The following LIMK2 variants were observed in gnomAD, a reference collection of about 807,000 sequenced individuals.
LIMK2 encodes the protein LIM domain kinase 2.
A neutral mutation model predicts 75.7 loss-of-function variants in LIMK2; 35 were observed. The observed-to-expected ratio is 0.46, with a 90% confidence interval of 0.35 to 0.61. The LOEUF (loss-of-function observed/expected upper bound fraction) is 0.61. LIMK2 is among the 20% of genes least tolerant of loss of function. The pLI is 0.00. For missense variants in LIMK2, 623 were observed against 831.0 expected, an observed-to-expected ratio of 0.75 and a Z score of 3.08; for synonymous variants, 301 against 319.2, an observed-to-expected ratio of 0.94 and a Z score of 0.61.
chr22:31,244,481 C>T (rs543394639), intron 2 of LIMK2, among the ~76,000 whole-genome samples: 171 of 152,182 alleles, frequency 1.1e-3, no homozygotes, highest in Non-Finnish European at 1.1e-3. Flanking sequence ...TTCAGTATCC[C>T]GTATGTTATT....
At position 31,212,372 on chromosome 22, in the gene LIMK2, C is replaced by T. The variant is rs529278809; in HGVS notation, c.-37C>T. ...GGAACTGAGGGGAGCTGCTGTGTCC[C>T]CCGCCTCCTCCTCCCCATTTCCGCG... On this transcript the variant is annotated 5_prime_UTR_variant, in exon 1 of 16. Transcript: ENST00000331728. The T allele has an allele frequency of 2.2e-5, 29 of 1,334,394 alleles. No individual in the cohort carries two copies. The South Asian group carries it at 4.2e-4, about 20-fold the overall frequency. The allele number at this position is 1,334,394 out of a possible 1,614,324, so 82.7% of individuals were successfully genotyped here. A position where few individuals can be genotyped will look rare whatever the true frequency, so the allele number is the denominator to read the frequency against.
chr22:31,273,366 T>C, intron 13 of LIMK2, 86 bp from the exon 14 acceptor site: 1 of 1,218,798 alleles, frequency 8.2e-7, no homozygotes, highest in Non-Finnish European at 1.2e-6. Flanking sequence ...CCCTAGTTCT[T>C]AGCTGTGGCT....
chr22:31,260,326 G>GT (rs1378357154), intron 5 of LIMK2, among the ~76,000 whole-genome samples: 1 of 152,218 alleles, frequency 6.6e-6, no homozygotes, highest in African/African-American at 2.4e-5. Flanking sequence ...TTCAGGTCAT[G>GT]TTTGCTCTTT....
At chr22:31,259,590 A>C (rs755892364) in intron 4 of LIMK2, among the ~76,000 whole-genome samples, 3 of 152,150 alleles carry the variant, frequency 2.0e-5, no homozygotes, top group Non-Finnish European at 4.4e-5. Flanking sequence ...GAATAGTACA[A>C]GGGCAAGGTT....
At chr22:31,217,536 T>C (rs2048398619) in intron 1 of LIMK2, among the ~76,000 whole-genome samples, 1 of 152,250 alleles carries the variant, frequency 6.6e-6, no homozygotes, top group Non-Finnish European at 1.5e-5. Flanking sequence ...CCTGATCTCA[T>C]GGGATCTTTG....
chr22:31,258,336 G>A lies in LIMK2; in HGVS notation c.162G>A (p.Lys54=). The change falls in exon 3 of 16, where the codon AAG becomes AAA. Residue 54 remains lysine (K), a synonymous_variant. Coordinates refer to ENST00000331728, the MANE Select transcript of LIMK2 (RefSeq NM_005569.4). The part of the protein sequence containing the change: ...QDSLTNWYYE[K]DGKLYCPKDY... ...CCCTCACCAACTGGTACTATGAGAA[G>A]GATGGGAAGCTCTACTGCCCCAAGG... 2 of 1,613,602 alleles carry A rather than the reference G, an allele frequency of 1.2e-6. No homozygotes were observed. The highest frequency in any genetic ancestry group is 1.7e-6 in the Non-Finnish European group (2 of 1,179,634).
intron 1 of LIMK2, among the ~76,000 whole-genome samples, chr22:31,223,892 CTTGT>C (rs1187060515): frequency 1.3e-5 from 2 of 152,204 alleles, no homozygotes; most frequent in Non-Finnish European, 2.9e-5. Flanking sequence ...CTCTTGCCAG[CTTGT>C]TTAACTCTTC....
At chr22:31,271,105 C>A (rs1314562719) in intron 11 of LIMK2, 31 bp from the exon 12 acceptor site, 2 of 1,599,852 alleles carry the variant, frequency 1.3e-6, no homozygotes, top group Non-Finnish European at 1.7e-6. Context: ...ATTTGCTGGC[C>A]CTGTAGCCTC....
At chr22:31,272,833 T>A (rs1411730576) in intron 13 of LIMK2, 129 bp downstream of exon 13, 1 of 1,415,700 alleles carries the variant, frequency 7.1e-7, no homozygotes, top group Non-Finnish European at 9.2e-7. Context: ...GAGGATATTT[T>A]TCCCTTGCCA....
At chr22:31,277,168 T>G (rs2049037845) in intron 15 of LIMK2, 1 of 1,612,724 alleles carries the variant, frequency 6.2e-7, no homozygotes, top group African/African-American at 1.3e-5. Flanking sequence ...GAACGGTGGC[T>G]CCCATAGGAC....
At chr22:31,261,644 T>A (rs1268812847) in intron 5 of LIMK2, among the ~76,000 whole-genome samples, 1 of 152,032 alleles carries the variant, frequency 6.6e-6, no homozygotes, top group Non-Finnish European at 1.5e-5. Flanking sequence ...GGTGCGCGCC[T>A]GTAATCCCAG....
chr22:31,220,422 A>G (rs758252479), intron 1 of LIMK2, among the ~76,000 whole-genome samples: 1 of 152,200 alleles, frequency 6.6e-6, no homozygotes, highest in Non-Finnish European at 1.5e-5. Context: ...GGTTCACCAC[A>G]CAAAGGAATG....
rs935123850 is a variant in LIMK2, at chr22:31,276,511, AG to A, written c.1772+1208del. On this transcript the variant is annotated intron_variant, in intron 15 of 15. Transcript: ENST00000331728. ...ACAAAGGGCGGGCGGATCGGCGGGG[AG>A]GGGGCGGGGCGCGACCAGGCCAGGC... Among the ~76,000 whole-genome samples, 1,349 of 134,932 alleles carry A rather than the reference AG, an allele frequency of 1.0e-2. 8 individuals carry two copies. Among genetic ancestry groups the A allele is most frequent in the Middle Eastern group, 0.022 (6 of 268 alleles). 88.5% of individuals were successfully genotyped at this position (134,932 alleles called of 152,430 possible).
At position 31,260,001 on chromosome 22, in the gene LIMK2, A is replaced by G; in HGVS notation, c.475A>G (p.Thr159Ala). 6.2e-7 allele frequency: 1 copy of G among 1,611,510 alleles called. No homozygotes were observed. Among genetic ancestry groups the G allele is most frequent in the Non-Finnish European group, 8.5e-7 (1 of 1,179,370 alleles). The change falls in exon 5 of 16, where the codon ACT (threonine) becomes GCT (alanine). Residue 159 changes from threonine to alanine, a missense_variant. By Grantham distance (58) the Thr-to-Ala change is moderately conservative. Around this residue, in one of 3 missense-constraint regions of LIMK2, gnomAD observed 514 missense variants for 661.3 expected, o/e 0.78. Transcript: ENST00000331728. ...CACGCTCATCTCCATGCCGGCCACC[A>G]CTGAAGGCAGGCGGGGCTTCTCCGT... ...SVTLISMPATTEGRRGFSVSV... is the reference protein window; with the variant it reads ...SVTLISMPATAEGRRGFSVSV...
chr22:31,227,743 T>A (rs2048491499), intron 2 of LIMK2, among the ~76,000 whole-genome samples: 1 of 152,246 alleles, frequency 6.6e-6, no homozygotes, highest in Admixed American at 6.5e-5. Context: ...ATGTTCATAT[T>A]CTTGCTGTTT....
intron 2 of LIMK2, chr22:31,248,619 C>G (rs771643472): frequency 6.2e-7 from 1 of 1,611,702 alleles, no homozygotes. Flanking sequence ...CCAGAGGTGC[C>G]GGGAGCCCCG....
At chr22:31,269,092 C>G (rs1329357185) in intron 11 of LIMK2, among the ~76,000 whole-genome samples, 1 of 151,004 alleles carries the variant, frequency 6.6e-6, no homozygotes, top group Non-Finnish European at 1.5e-5. Context: ...GGGCTTGAAT[C>G]AGGAAGGAGG....
In LIMK2 at chr22:31,234,714, C is replaced by T. The variant is rs1024094168; in HGVS notation, c.116+8895C>T. 4.6e-4 allele frequency among the ~76,000 whole-genome samples: 55 copies of T among 118,844 alleles called. 1 individual carries two copies. Among genetic ancestry groups the T allele is most frequent in the Admixed American group, 2.4e-3 (26 of 10,832 alleles). The allele number at this position is 118,844 out of a possible 152,430, so 78.0% of individuals were successfully genotyped here. A position where few individuals can be genotyped will look rare whatever the true frequency, so the allele number is the denominator to read the frequency against. On this transcript the variant is annotated intron_variant, in intron 2 of 15. Transcript: ENST00000331728. ...CCAGCCTGGTGACAGAGTAAGACTC[C>T]ATCTCAAAAAAAAAAAAAAAAAAAA...
intron 1 of LIMK2, among the ~76,000 whole-genome samples, chr22:31,213,817 C>CTTTTTTTTTT (rs71689139): frequency 2.1e-5 from 3 of 145,334 alleles, no homozygotes; most frequent in Non-Finnish European, 4.5e-5. Context: ...TTTCCAGTAA[C>CTTTTTTTTTT]TTTTTTTTTT....
Sources: allele counts gnomAD v4.1 joint callset (sites outside exome capture counted in the v4.1 genomes callset), GRCh38; gene constraint gnomAD v4.1.1; regional missense constraint gnomAD v4.1.1; transcripts MANE v1.5; gene names NCBI Gene and HGNC (gene_info 2026-07-23, HGNC 2026-07-21).